The following GPC5 variants were observed in gnomAD, a reference collection of about 807,000 sequenced individuals.
GPC5 encodes glypican 5.
Under a neutral mutation model 53.9 loss-of-function variants are expected in GPC5, and 47 were observed. The ratio of observed to expected loss-of-function variants is 0.87; its 90% confidence interval spans 0.69 to 1.11. The LOEUF (loss-of-function observed/expected upper bound fraction) is 1.11. Ranked by LOEUF, GPC5 falls within the 50% of genes most tolerant of loss-of-function variation. The probability of loss-of-function intolerance (pLI) is 0.00; values close to 1 mark genes in which losing one functional copy is unlikely to be tolerated. For missense variants in GPC5, 748 were observed against 713.1 expected (o/e 1.05, Z -0.56); for synonymous variants, 286 against 263.3 (o/e 1.09, Z -0.84).
chr13:91,752,841 A>G (rs963442637), intron 4 of GPC5, among the ~76,000 whole-genome samples: 49 of 152,210 alleles, frequency 3.2e-4, no homozygotes, highest in Non-Finnish European at 6.2e-4. Flanking sequence ...ACATCACATG[A>G]GTGCTGCTTT....
chr13:92,475,416 AC>A (rs1175862997), intron 7 of GPC5, among the ~76,000 whole-genome samples: 1 of 146,168 alleles, frequency 6.8e-6, no homozygotes, highest in Non-Finnish European at 1.5e-5. Context: ...GAGGTCCTTC[AC>A]ATCCCTTGTA....
chr13:92,151,145 T>G (rs190385042), intron 7 of GPC5, among the ~76,000 whole-genome samples: 27 of 152,168 alleles, frequency 1.8e-4, no homozygotes, highest in Admixed American at 3.3e-4. Flanking sequence ...TCTAACTGTG[T>G]GGAAGTAGTC....
chr13:91,544,538 C>T (rs1259256833), intron 2 of GPC5, among the ~76,000 whole-genome samples: 1 of 152,114 alleles, frequency 6.6e-6, no homozygotes, highest in East Asian at 1.9e-4. Flanking sequence ...AACATACAGT[C>T]ATTAAATATG....
At chr13:91,927,625 C>T (rs2139026665) in intron 6 of GPC5, among the ~76,000 whole-genome samples, 1 of 152,210 alleles carries the variant, frequency 6.6e-6, no homozygotes, top group African/African-American at 2.4e-5. Context: ...GTTCTAGTTT[C>T]AATCTAGGAA....
At chr13:92,408,527 A>G (rs7324463) in intron 7 of GPC5, among the ~76,000 whole-genome samples, 80,625 of 151,548 alleles carry the variant, frequency 0.53, 21,659 homozygotes, top group East Asian at 0.72. Context: ...TTCAATCTAT[A>G]TTTGTGCAGT....
At chr13:91,833,632 G>C (rs2038688612) in intron 5 of GPC5, among the ~76,000 whole-genome samples, 2 of 152,038 alleles carry the variant, frequency 1.3e-5, no homozygotes, top group South Asian at 4.2e-4. Flanking sequence ...CAGAACCAAT[G>C]ACAAAAACCA....
At chr13:92,118,170 T>C (rs1011179473) in intron 6 of GPC5, among the ~76,000 whole-genome samples, 15 of 152,204 alleles carry the variant, frequency 9.9e-5, no homozygotes, top group African/African-American at 3.6e-4. Flanking sequence ...TTATAAAGAA[T>C]AGATGTTGAA....
chr13:92,314,604 G>A (rs1204257874), intron 7 of GPC5, among the ~76,000 whole-genome samples: 1 of 152,162 alleles, frequency 6.6e-6, no homozygotes, highest in Non-Finnish European at 1.5e-5. Flanking sequence ...CAGTCATGTT[G>A]TGGGACAGAA....
chr13:92,804,878 T>A lies in GPC5; in HGVS notation c.1562-61404T>A, dbSNP rs9556217. 0.025 allele frequency among the ~76,000 whole-genome samples: 3,837 copies of A among 152,126 alleles called. 381 individuals carry two copies. In the East Asian group the frequency reaches 0.32, roughly 13 times the overall value. ...TTTTGTTACCATTTCAACAAGGTTC[T>A]CAGCATCTTTCCCAGTAGTAGATTC... On this transcript the variant is annotated intron_variant, in intron 7 of 7. Coordinates refer to ENST00000377067, the MANE Select transcript of GPC5 (RefSeq NM_004466.6).
chr13:92,697,429 T>C (rs914967082), intron 7 of GPC5, among the ~76,000 whole-genome samples: 5 of 152,076 alleles, frequency 3.3e-5, no homozygotes, highest in Non-Finnish European at 5.9e-5. Context: ...TTGTAAATTG[T>C]ATTCCTAGGT....
At position 92,111,983 on chromosome 13, in the gene GPC5, T is replaced by C. The variant is rs541856148; in HGVS notation, c.1402-32847T>C. The stretch of plus-strand genomic sequence containing the variant: ...ATTTCATCCTGAAGAAATTCATGAT[T>C]AGATGGATAAGAAACAATGAGACTA... On this transcript the variant is annotated intron_variant, in intron 6 of 7. Coordinates refer to ENST00000377067, the MANE Select transcript of GPC5 (RefSeq NM_004466.6). Among the ~76,000 whole-genome samples, 7 of 152,276 alleles carry C rather than the reference T, an allele frequency of 4.6e-5. No homozygotes were observed. The South Asian group carries it at 1.5e-3, about 32-fold the overall frequency.
chr13:91,898,045 T>C (rs1407583865), intron 5 of GPC5, among the ~76,000 whole-genome samples: 1 of 152,184 alleles, frequency 6.6e-6, no homozygotes, highest in Non-Finnish European at 1.5e-5. Context: ...TCTTCTAAGT[T>C]ATCAAAGATT....
intron 7 of GPC5, among the ~76,000 whole-genome samples, chr13:92,655,212 A>G (rs1224897496): frequency 6.6e-6 from 1 of 152,242 alleles, no homozygotes; most frequent in Non-Finnish European, 1.5e-5. Context: ...AAGGAAATAT[A>G]TACAGAATAA....
intron 2 of GPC5, among the ~76,000 whole-genome samples, chr13:91,517,786 G>A (rs1412001924): frequency 4.6e-5 from 7 of 152,202 alleles, no homozygotes; most frequent in African/African-American, 1.7e-4. Context: ...GATCATGGCA[G>A]GAGGCGAAAG....
chr13:91,934,366 A>G (rs1474161053), intron 6 of GPC5, among the ~76,000 whole-genome samples: 2 of 151,898 alleles, frequency 1.3e-5, no homozygotes, highest in Admixed American at 6.6e-5. Flanking sequence ...TTTTGGGGGT[A>G]GGCTCAGGCA....
chr13:92,032,817 A>G (rs147015166), intron 6 of GPC5, among the ~76,000 whole-genome samples: 1 of 152,262 alleles, frequency 6.6e-6, no homozygotes, highest in East Asian at 1.9e-4. Context: ...TTCAGGATGC[A>G]TGATTTCTCC....
intron 7 of GPC5, among the ~76,000 whole-genome samples, chr13:92,747,798 ATAT>A (rs1276472543): frequency 2.6e-5 from 4 of 152,212 alleles, no homozygotes; most frequent in African/African-American, 7.2e-5. Context: ...CTGCTACAAT[ATAT>A]TATCATATTG....
chr13:92,092,552 T>C (rs896732239), intron 6 of GPC5, among the ~76,000 whole-genome samples: 3 of 152,182 alleles, frequency 2.0e-5, no homozygotes, highest in African/African-American at 7.2e-5. Flanking sequence ...AAAATTATAT[T>C]TGGAATCTTA....
intron 2 of GPC5, among the ~76,000 whole-genome samples, chr13:91,557,614 C>T (rs1005488376): frequency 1.3e-5 from 2 of 152,132 alleles, no homozygotes; most frequent in African/African-American, 2.4e-5. Flanking sequence ...CAATTCTCTA[C>T]TGAATACAGT....
Sources: gnomAD v4.1 joint callset for allele counts (sites outside exome capture counted in the v4.1 genomes callset) on GRCh38, gnomAD v4.1.1 for gene constraint, MANE v1.5 for transcripts, NCBI Gene and HGNC (gene_info 2026-07-23, HGNC 2026-07-21) for gene names.